Variants in ETV3 observed in about 807,000 individuals in gnomAD.
The protein encoded by ETV3 is ETS translocation variant 3.
Under a neutral mutation model 33.0 loss-of-function variants are expected in ETV3, and 8 were observed. That is an observed-to-expected ratio of 0.24 (90% CI 0.14 to 0.44). The LOEUF is 0.44. ETV3 is among the 20% of genes least tolerant of loss of function. The pLI, the probability that ETV3 is intolerant of heterozygous loss-of-function variation, is 1.00. For synonymous variants in ETV3, 222 were observed against 238.9 expected, an observed-to-expected ratio of 0.93 and a Z score of 0.65; for missense variants, 473 against 652.3, an observed-to-expected ratio of 0.73 and a Z score of 2.99.
intron 4 of ETV3, among the ~76,000 whole-genome samples, chr1:157,129,431 T>A (rs1243579985): frequency 6.6e-6 from 1 of 152,206 alleles, no homozygotes; most frequent in Non-Finnish European, 1.5e-5. Context: ...TGCTGTGTAT[T>A]TGTGATTGGA....
In ETV3 at chr1:157,124,758, T is replaced by TTCCCC; in HGVS notation, c.*82_*83insGGGGA. ...GAATGATCAAACCAGTTTAACTCCC[T>TTCCCC]CCCCCCCACCCTGAAATCTTGCTAC... On this transcript the variant is annotated 3_prime_UTR_variant, in exon 5 of 5. Coordinates refer to ENST00000368192, the MANE Select transcript of ETV3 (RefSeq NM_001145312.3). 2 of 172,454 alleles carry TTCCCC rather than the reference T, an allele frequency of 1.2e-5. No homozygotes were observed. The highest frequency in any genetic ancestry group is 2.3e-5 in the Non-Finnish European group (2 of 87,072). 10.7% of individuals were successfully genotyped at this position (172,454 alleles called of 1,614,324 possible).
intron 4 of ETV3, 24 bp downstream of exon 4, chr1:157,134,088 C>T: frequency 1.3e-6 from 2 of 1,599,044 alleles, no homozygotes; most frequent in Non-Finnish European, 1.7e-6. Context: ...AATTAATTCC[C>T]TACCAAAAGA....
chr1:157,135,762 C>A, intron 2 of ETV3, 54 bp from the exon 3 acceptor site: 1 of 1,528,580 alleles, frequency 6.5e-7, no homozygotes, highest in Non-Finnish European at 9.0e-7. Flanking sequence ...TACATACATA[C>A]CAGCAACCCC....
intron 1 of ETV3, among the ~76,000 whole-genome samples, chr1:157,138,045 C>A (rs1464177113): frequency 6.6e-6 from 1 of 152,212 alleles, no homozygotes; most frequent in Non-Finnish European, 1.5e-5. Context: ...CCACAGCCCC[C>A]AGAACCTCCT....
rs751387992 is a variant in ETV3 at position 157,125,301 on chromosome 1, T to A, written c.1079A>T (p.Glu360Val). ...GACTGGTGCTGACTCCTCGCTGCTC[T>A]CAACCCTCTCCCGGTTCTTCCGCCC... is the stretch of plus-strand genomic sequence containing the variant. ...PVGRKNRERVESSEESAPVTT... is the reference protein window; with the variant it reads ...PVGRKNRERVVSSEESAPVTT... Residue 360 changes from glutamate (E) to valine (V), a missense_variant, in exon 5 of 5, where the codon GAG becomes GTG. Coordinates refer to ENST00000368192, the MANE Select transcript of ETV3 (RefSeq NM_001145312.3). The surrounding 1 kb of genome is among the most constrained non-coding windows in gnomAD (Gnocchi z 4.0). 1 of 1,552,082 alleles carries A rather than the reference T, an allele frequency of 6.4e-7. No individual in the cohort carries two copies. The highest frequency in any genetic ancestry group is 1.2e-5 in the South Asian group (1 of 84,064).
rs931632358 is a variant in ETV3, at chr1:157,121,210, T to A, written c.*3631A>T. ...CAAACATTACTTAAAAGTATTTTTT[T>A]ATTTAATTTCTGAGGTAAAATACTT... On this transcript the variant is annotated 3_prime_UTR_variant, in exon 5 of 5. Coordinates refer to ENST00000368192, the MANE Select transcript of ETV3 (RefSeq NM_001145312.3). 3.3e-5 allele frequency: 5 copies of A among 152,190 alleles called. No homozygotes were observed. Among genetic ancestry groups the A allele is most frequent in the African/African-American group, 9.7e-5 (4 of 41,450 alleles). The allele number at this position is 152,190 out of a possible 1,614,324, so 9.4% of individuals were successfully genotyped here.
intron 1 of ETV3, among the ~76,000 whole-genome samples, chr1:157,136,708 C>T (rs1326096149): frequency 6.6e-6 from 1 of 152,144 alleles, no homozygotes; most frequent in Non-Finnish European, 1.5e-5. Context: ...TCCAAAAACG[C>T]AGCCAAAACA....
rs1674710301 is a variant in ETV3, at chr1:157,121,506, C to T, written c.*3335G>A. 6.6e-6 allele frequency: 1 copy of T among 152,122 alleles called. No individual in the cohort carries two copies. Among genetic ancestry groups the T allele is most frequent in the Non-Finnish European group, 1.5e-5 (1 of 68,030 alleles). The allele number at this position is 152,122 out of a possible 1,614,324, so 9.4% of individuals were successfully genotyped here. A position where few individuals can be genotyped will look rare whatever the true frequency, so the allele number is the denominator to read the frequency against. Reference sequence around the variant, plus strand: ...CATGTAAATGTCTCATTCACAAATCCCTGCATCACAATTCTATAACTCAAA... The same window carrying T: ...CATGTAAATGTCTCATTCACAAATCTCTGCATCACAATTCTATAACTCAAA... On this transcript the variant is annotated 3_prime_UTR_variant, in exon 5 of 5. Coordinates refer to ENST00000368192, the MANE Select transcript of ETV3 (RefSeq NM_001145312.3).
intron 3 of ETV3, 144 bp downstream of exon 3, chr1:157,135,327 C>T: frequency 2.0e-6 from 2 of 992,986 alleles, no homozygotes; most frequent in South Asian, 3.3e-5. Context: ...TTCAACAGCT[C>T]TTCTACTCCC....
chr1:157,134,135 G>A lies in ETV3; in HGVS notation c.377C>T (p.Pro126Leu). The A allele has an allele frequency of 6.2e-7, 1 of 1,613,850 alleles. No individual in the cohort carries two copies. Among genetic ancestry groups the A allele is most frequent in the Non-Finnish European group, 8.5e-7 (1 of 1,179,908 alleles). Residue 126 changes from proline to leucine, a missense_variant, in exon 4 of 5, where the codon CCA becomes CTA. Transcript: ENST00000368192. Reference sequence around the variant, plus strand: ...ACCACTTGACCGAATGTTGATGAATGGGTAGTTGGGCATCACCAGCTTGTT... The same window carrying A: ...ACCACTTGACCGAATGTTGATGAATAGGTAGTTGGGCATCACCAGCTTGTT... Reference protein sequence around the residue: ...NFNKLVMPNYPFINIRSSGVV... With the variant: ...NFNKLVMPNYLFINIRSSGVV...
At chr1:157,130,281 A>G (rs539228412) in intron 4 of ETV3, among the ~76,000 whole-genome samples, 2 of 152,352 alleles carry the variant, frequency 1.3e-5, no homozygotes, top group African/African-American at 4.8e-5. Flanking sequence ...AGGTGAGACT[A>G]GAAGCAATAC....
intron 4 of ETV3, among the ~76,000 whole-genome samples, chr1:157,132,608 G>A (rs1674993441): frequency 6.6e-6 from 1 of 152,156 alleles, no homozygotes; most frequent in East Asian, 1.9e-4. Context: ...ATTCCTCTAG[G>A]CATACAAGGA....
At chr1:157,127,040 T>TGCCCTGGCTGACTGTGGGGAGGGGCAG in intron 4 of ETV3, among the ~76,000 whole-genome samples, 1 of 121,794 alleles carries the variant, frequency 8.2e-6, no homozygotes, top group African/African-American at 3.2e-5. Context: ...GGGAGGGGCA[T>TGCCCTGGCTGACTGTGGGGAGGGGCAG]AGCTGCCCTG....
Position 157,124,765 on chromosome 1 carries a change from C to CCCCCCGAAA in ETV3, c.*75_*76insTTTCGGGGG. ...CAAACCAGTTTAACTCCCTCCCCCC[C>CCCCCCGAAA]ACCCTGAAATCTTGCTACATAAATA... is the stretch of plus-strand genomic sequence containing the variant. On this transcript the variant is annotated 3_prime_UTR_variant, in exon 5 of 5. Coordinates refer to ENST00000368192, the MANE Select transcript of ETV3 (RefSeq NM_001145312.3). The CCCCCCGAAA allele has an allele frequency of 1.5e-5, 6 of 408,016 alleles. No homozygotes were observed. Among genetic ancestry groups the CCCCCCGAAA allele is most frequent in the South Asian group, 1.4e-4 (2 of 14,094 alleles). 25.3% of individuals were successfully genotyped at this position (408,016 alleles called of 1,614,324 possible). A position where few individuals can be genotyped will look rare whatever the true frequency, so the allele number is the denominator to read the frequency against.
At chr1:157,126,734 TGCCCTGGCTGACTGTGC>T (rs1674846360) in intron 4 of ETV3, among the ~76,000 whole-genome samples, 1 of 151,144 alleles carries the variant, frequency 6.6e-6, no homozygotes, top group East Asian at 2.0e-4. Context: ...GGGGCAGAGC[TGCCCTGGCTGACTGTGC>T]GGAGGGGCAG....
At position 157,124,287 on chromosome 1, in the gene ETV3, C is replaced by T. The variant is rs1233993772; in HGVS notation, c.*554G>A. On this transcript the variant is annotated 3_prime_UTR_variant, in exon 5 of 5. Coordinates refer to ENST00000368192, the MANE Select transcript of ETV3 (RefSeq NM_001145312.3). The stretch of plus-strand genomic sequence containing the variant: ...AAGGAAGAAGAAAAAGAGCAACATC[C>T]AAACATTCCCCAAGCCCCACCCCAG... 7.0e-6 allele frequency: 1 copy of T among 142,544 alleles called. No homozygotes were observed. The highest frequency in any genetic ancestry group is 1.5e-5 in the Non-Finnish European group (1 of 65,214). The allele number at this position is 142,544 out of a possible 1,614,324, so 8.8% of individuals were successfully genotyped here.
At chr1:157,137,169 C>T (rs1213719476) in intron 1 of ETV3, among the ~76,000 whole-genome samples, 1 of 152,044 alleles carries the variant, frequency 6.6e-6, no homozygotes, top group Middle Eastern at 3.2e-3. Flanking sequence ...CCTGTTCCTC[C>T]CAGCAAGGAG....
rs1325553385 is a variant in ETV3, at chr1:157,124,886, A to G, written c.1494T>C (p.Asn498=). ...ELSKSGKFLW[N]GSGPQGLATA... is the part of the protein sequence containing the mutation. The stretch of plus-strand genomic sequence containing the variant: ...TTGCCAAGCCCTGGGGTCCTGACCC[A>G]TTCCAGAGAAACTTGCCACTCTTGC... Residue 498 remains asparagine (N), a synonymous_variant, in exon 5 of 5, where the codon AAT becomes AAC. Coordinates refer to ENST00000368192, the MANE Select transcript of ETV3 (RefSeq NM_001145312.3). 2.6e-6 allele frequency: 4 copies of G among 1,551,092 alleles called. No homozygotes were observed.
intron 4 of ETV3, among the ~76,000 whole-genome samples, chr1:157,130,653 G>C (rs1320200802): frequency 6.6e-6 from 1 of 152,264 alleles, no homozygotes; most frequent in East Asian, 1.9e-4. Context: ...TGGACAGCTT[G>C]CCTCTCTGTG....
Sources: gnomAD v4.1 joint callset for allele counts (sites outside exome capture counted in the v4.1 genomes callset) on GRCh38, gnomAD v4.1.1 for gene constraint, Gnocchi (gnomAD v3.1) non-coding constraint, MANE v1.5 for transcripts, NCBI Gene and HGNC (gene_info 2026-07-23, HGNC 2026-07-21) for gene names.